DNAH11: variants seen among roughly 807,000 people sequenced by gnomAD.
DNAH11 encodes axonemal beta dynein heavy chain 11.
A neutral mutation model predicts 526.0 loss-of-function variants in DNAH11; 442 were observed. The observed-to-expected ratio is 0.84, with a 90% CI of 0.78 to 0.91. The LOEUF is 0.91. Ranked by LOEUF, DNAH11 falls within the 40% of genes least tolerant of loss-of-function variation. The probability of loss-of-function intolerance (pLI) is 0.00; values close to 1 mark genes in which losing one functional copy is unlikely to be tolerated. For synonymous variants in DNAH11, 2,461 were observed against 1,935.9 expected, an observed-to-expected ratio of 1.27 and a Z score of -7.12; for missense variants, 6,989 against 5,448.7, an observed-to-expected ratio of 1.28 and a Z score of -8.90.
At chr7:21,807,803 C>T (rs576677280) in intron 62 of DNAH11, 80 bp from the exon 63 acceptor site, 1 of 1,401,078 alleles carries the variant, frequency 7.1e-7, no homozygotes, top group Non-Finnish European at 9.7e-7. Context: ...TAAACCTTGC[C>T]ATAAGGTAAT....
intron 45 of DNAH11, among the ~76,000 whole-genome samples, chr7:21,728,522 G>A (rs187587390): frequency 6.6e-6 from 1 of 152,150 alleles, no homozygotes; most frequent in Non-Finnish European, 1.5e-5. Context: ...GCTTCCCAAA[G>A]TGCTAGGATT....
At chr7:21,616,626 C>CATA (rs1385816884) in intron 22 of DNAH11, among the ~76,000 whole-genome samples, 2 of 152,226 alleles carry the variant, frequency 1.3e-5, no homozygotes, top group Non-Finnish European at 2.9e-5. Context: ...GCTTAGCAAC[C>CATA]ATAAACATTT....
Position 21,543,591 on chromosome 7 carries a change from C to T in DNAH11, c.346C>T (p.Gln116Ter), listed in dbSNP as rs374802008. The T allele has an allele frequency of 1.9e-6, 3 of 1,591,834 alleles. No individual in the cohort carries two copies. The highest frequency in any genetic ancestry group is 1.3e-5 in the African/African-American group (1 of 74,680). The change falls in exon 1 of 82, where the codon CAG becomes TAG. Residue 116 changes from glutamine (Q) to a stop codon, truncating the protein, a stop_gained. Transcript: ENST00000409508. LOFTEE classifies it high-confidence loss of function. ...CGCCTCGGGGCGCCTTGCGGCTTCC[C>T]AGGAGGTAAGAGGCGACGGGCAAGG... ...FAASGRLAAS[Q>*]EIPRDANHKL...
At chr7:21,812,921 G>T (rs376616962) in intron 63 of DNAH11, among the ~76,000 whole-genome samples, 1 of 152,100 alleles carries the variant, frequency 6.6e-6, no homozygotes, top group African/African-American at 2.4e-5. Flanking sequence ...ATTACCCTTG[G>T]GGGAGAGCCT....
At chr7:21,672,447 G>A (rs1307880230) in intron 30 of DNAH11, among the ~76,000 whole-genome samples, 2 of 152,084 alleles carry the variant, frequency 1.3e-5, no homozygotes, top group Non-Finnish European at 2.9e-5. Context: ...CACCATGTCT[G>A]GCTAAGTTTT....
chr7:21,543,592 A>G lies in DNAH11; in HGVS notation c.347A>G (p.Gln116Arg). The G allele has an allele frequency of 1.9e-6, 3 of 1,588,528 alleles. No individual in the cohort carries two copies. The highest frequency in any genetic ancestry group is 2.6e-6 in the Non-Finnish European group (3 of 1,166,916). The part of the protein sequence containing the change: ...FAASGRLAAS[Q>R]EIPRDANHKL... ...GCCTCGGGGCGCCTTGCGGCTTCCCAGGAGGTAAGAGGCGACGGGCAAGGG... is the reference window on the plus strand; with the variant it reads ...GCCTCGGGGCGCCTTGCGGCTTCCCGGGAGGTAAGAGGCGACGGGCAAGGG... Residue 116 changes from glutamine to arginine, a missense_variant, in exon 1 of 82, where the codon CAG becomes CGG. Physicochemically the swap from Gln to Arg is conservative, Grantham distance 43. Transcript: ENST00000409508.
intron 26 of DNAH11, 109 bp downstream of exon 26, chr7:21,636,204 G>A (rs1466651954): frequency 4.3e-6 from 4 of 930,194 alleles, no homozygotes; most frequent in Non-Finnish European, 6.4e-6. Flanking sequence ...GTAAGCAGGA[G>A]TCAGGAGACT....
chr7:21,900,947 T>A (rs1784783062), intron 81 of DNAH11, 60 bp from the exon 82 acceptor site: 1 of 1,247,702 alleles, frequency 8.0e-7, no homozygotes, highest in Non-Finnish European at 1.1e-6. Context: ...ACAACTTACT[T>A]GATCATTATC....
chr7:21,618,547 G>C (rs1443073935), intron 23 of DNAH11: 1 of 157,906 alleles, frequency 6.3e-6, no homozygotes, highest in East Asian at 1.9e-4. Flanking sequence ...GAGAGAAGGG[G>C]AGTCATTGTC....
At chr7:21,876,360 TAG>T (rs553181900) in intron 74 of DNAH11, among the ~76,000 whole-genome samples, 73 of 152,304 alleles carry the variant, frequency 4.8e-4, no homozygotes, top group African/African-American at 1.6e-3. Context: ...TCTAAAATGT[TAG>T]AGTCTTTTAT....
At position 21,697,691 on chromosome 7, in the gene DNAH11, A is replaced by G. The variant is rs548514461; in HGVS notation, c.6042-384A>G. ...TATTCCATGGAAATAAGCAAGTGCTATTTTCTAGACAGCCGGTTGTGAAAA... is the reference window on the plus strand; with the variant it reads ...TATTCCATGGAAATAAGCAAGTGCTGTTTTCTAGACAGCCGGTTGTGAAAA... On this transcript the variant is annotated intron_variant, in intron 35 of 81. Coordinates refer to ENST00000409508, the MANE Select transcript of DNAH11 (RefSeq NM_001277115.2). Among the ~76,000 whole-genome samples, 12 of 152,292 alleles carry G rather than the reference A, an allele frequency of 7.9e-5. No homozygotes were observed. The South Asian group carries it at 8.3e-4, about 11-fold the overall frequency.
At chr7:21,554,330 T>C (rs1242850609) in intron 2 of DNAH11, among the ~76,000 whole-genome samples, 1 of 152,056 alleles carries the variant, frequency 6.6e-6, no homozygotes, top group Non-Finnish European at 1.5e-5. Context: ...CGTACCACCA[T>C]GCCCAGCTAA....
intron 7 of DNAH11, 95 bp downstream of exon 7, chr7:21,570,394 A>G (rs997615175): frequency 1.1e-5 from 11 of 1,005,176 alleles, no homozygotes; most frequent in South Asian, 3.5e-5. Flanking sequence ...ACTTTATATC[A>G]TAGGTGGAGG....
intron 65 of DNAH11, among the ~76,000 whole-genome samples, chr7:21,822,957 CTTTTTTTTTT>C (rs67284255): frequency 1.7e-5 from 1 of 60,564 alleles, no homozygotes; most frequent in Non-Finnish European, 2.8e-5. Flanking sequence ...AGATTATTTG[CTTTTTTTTTT>C]TTTTTTTTTT....
intron 1 of DNAH11, among the ~76,000 whole-genome samples, chr7:21,544,178 T>C (rs544128814): frequency 6.6e-6 from 1 of 152,338 alleles, no homozygotes; most frequent in Admixed American, 6.5e-5. Context: ...TTCGATGATT[T>C]GTCCACTAAA....
At chr7:21,632,925 A>G (rs1289131190) in intron 25 of DNAH11, among the ~76,000 whole-genome samples, 16 of 152,218 alleles carry the variant, frequency 1.1e-4, no homozygotes, top group Admixed American at 1.0e-3. Flanking sequence ...GACATACCCA[A>G]GATTGGGCAA....
In DNAH11 at chr7:21,834,933, C is replaced by T. The variant is rs148626198; in HGVS notation, c.10692-7611C>T. 2.0e-3 allele frequency among the ~76,000 whole-genome samples: 307 copies of T among 151,934 alleles called. 6 individuals are homozygous for T. The highest frequency in any genetic ancestry group is 6.9e-3 in the African/African-American group (284 of 41,418). On this transcript the variant is annotated intron_variant, in intron 65 of 81. Coordinates refer to ENST00000409508, the MANE Select transcript of DNAH11 (RefSeq NM_001277115.2). ...ATTTTCAAAAGTTTCAAATCAGAGA[C>T]GAAAAACAAAACATAACTGATACCA...
intron 65 of DNAH11, among the ~76,000 whole-genome samples, chr7:21,832,466 C>A (rs1287319979): frequency 6.6e-6 from 1 of 152,086 alleles, no homozygotes; most frequent in Admixed American, 6.6e-5. Flanking sequence ...GTAAATATTC[C>A]TCCATCCCTT....
intron 58 of DNAH11, among the ~76,000 whole-genome samples, chr7:21,785,037 A>G (rs1788113509): frequency 6.6e-6 from 1 of 152,212 alleles, no homozygotes; most frequent in Admixed American, 6.5e-5. Context: ...AAGCGTTCAC[A>G]TTCTTATAAG....
Sources: allele counts gnomAD v4.1 joint callset (sites outside exome capture counted in the v4.1 genomes callset), GRCh38; gene constraint gnomAD v4.1.1; transcripts MANE v1.5; gene names NCBI Gene and HGNC (gene_info 2026-07-23, HGNC 2026-07-21).